The following CPB1 variants were observed in gnomAD, a reference collection of about 807,000 sequenced individuals.
CPB1 encodes carboxypeptidase B.
CPB1 carries 53 observed loss-of-function variants against 51.4 expected under a neutral mutation model. The observed-to-expected ratio is 1.03, with a 90% confidence interval of 0.83 to 1.30. The LOEUF is 1.30. CPB1 is among the 50% of genes most tolerant of loss of function. CPB1 has a pLI of 0.00. For missense variants in CPB1, 494 were observed against 516.2 expected (o/e 0.96, Z 0.42); for synonymous variants, 189 against 186.9 (o/e 1.01, Z -0.09).
intron 3 of CPB1, among the ~76,000 whole-genome samples, chr3:148,837,548 A>G (rs1367902731): frequency 1.3e-5 from 2 of 151,824 alleles, no homozygotes; most frequent in Non-Finnish European, 2.9e-5. Context: ...ATAAAATACT[A>G]TACATGCTTC....
chr3:148,840,560 C>A, intron 3 of CPB1, 126 bp from the exon 4 acceptor site: 1 of 763,990 alleles, frequency 1.3e-6, no homozygotes, highest in South Asian at 1.6e-5. Flanking sequence ...AACCAGAGGA[C>A]AACATGAGAA....
At chr3:148,828,911 G>GA (rs1282041772) in intron 2 of CPB1, among the ~76,000 whole-genome samples, 1 of 152,176 alleles carries the variant, frequency 6.6e-6, no homozygotes, top group Non-Finnish European at 1.5e-5. Flanking sequence ...AGAATTGAAA[G>GA]AAATATAAAC....
At position 148,834,521 on chromosome 3, in the gene CPB1, T is replaced by A; in HGVS notation, c.171T>A (p.Ser57=). ...TTQIDFWKPD[S]VTQIKPHSTV... Reference sequence around the variant, plus strand: ...AGATTGACTTCTGGAAGCCAGATTCTGTCACACAAATCAAACCTCACAGTA... The same window carrying A: ...AGATTGACTTCTGGAAGCCAGATTCAGTCACACAAATCAAACCTCACAGTA... The change falls in exon 3 of 11, where the codon TCT becomes TCA. Residue 57 remains serine, a synonymous_variant. Coordinates refer to ENST00000282957, the MANE Select transcript of CPB1 (RefSeq NM_001871.3). 1.2e-6 allele frequency: 2 copies of A among 1,613,726 alleles called. No homozygotes were observed. The highest frequency in any genetic ancestry group is 1.7e-6 in the Non-Finnish European group (2 of 1,179,636).
At chr3:148,839,261 C>T (rs1713002957) in intron 3 of CPB1, among the ~76,000 whole-genome samples, 1 of 152,106 alleles carries the variant, frequency 6.6e-6, no homozygotes, top group East Asian at 1.9e-4. Flanking sequence ...CTAGAAAGGG[C>T]AAGGAATTAG....
intron 6 of CPB1, among the ~76,000 whole-genome samples, chr3:148,842,533 A>T (rs765641083): frequency 6.2e-4 from 94 of 152,346 alleles, no homozygotes; most frequent in South Asian, 1.4e-3. Flanking sequence ...TGCATAGATG[A>T]TGCAATAAAT....
Position 148,844,477 on chromosome 3 carries a change from G to C in CPB1, c.577-1G>C, listed in dbSNP as rs145781572. On this transcript the variant is annotated splice_acceptor_variant, in intron 6 of 10. Coordinates refer to ENST00000282957, the MANE Select transcript of CPB1 (RefSeq NM_001871.3). LOFTEE classifies it high-confidence loss of function. ...AATTCCTCTTCATAATTCACATACA[G>C]GCTGTTCGTACCTATGGACGTGAGA... The C allele has an allele frequency of 3.5e-5, 57 of 1,608,794 alleles. No individual in the cohort carries two copies. In the African/African-American group the frequency reaches 7.1e-4, roughly 20 times the overall value.
intron 3 of CPB1, among the ~76,000 whole-genome samples, chr3:148,834,827 T>C (rs949198483): frequency 6.6e-6 from 1 of 152,182 alleles, no homozygotes; most frequent in African/African-American, 2.4e-5. Context: ...TTGCTCTAAT[T>C]AAAATGGTTT....
At chr3:148,845,106 A>C (rs892884851) in intron 8 of CPB1, among the ~76,000 whole-genome samples, 5 of 152,128 alleles carry the variant, frequency 3.3e-5, no homozygotes, top group Admixed American at 3.3e-4. Flanking sequence ...TGATCATAGT[A>C]ATAATTTTTT....
intron 2 of CPB1, among the ~76,000 whole-genome samples, chr3:148,833,863 G>A (rs995399515): frequency 2.0e-5 from 3 of 152,048 alleles, no homozygotes; most frequent in African/African-American, 4.8e-5. Flanking sequence ...CTAGCATATC[G>A]TAGGTTCTCA....
chr3:148,850,778 T>A (rs1713403821), intron 9 of CPB1, among the ~76,000 whole-genome samples: 1 of 152,190 alleles, frequency 6.6e-6, no homozygotes, highest in African/African-American at 2.4e-5. Flanking sequence ...AGCTGTACCA[T>A]GTCCCTGCCT....
intron 3 of CPB1, among the ~76,000 whole-genome samples, chr3:148,835,374 T>C (rs1712873377): frequency 6.6e-6 from 1 of 152,100 alleles, no homozygotes; most frequent in Admixed American, 6.5e-5. Flanking sequence ...CAGTAGTATT[T>C]AACAGATGGA....
At position 148,859,986 on chromosome 3, in the gene CPB1, T is replaced by G. The variant is rs1172285727; in HGVS notation, c.1238T>G (p.Leu413Arg). Residue 413 changes from leucine (L) to arginine (R), a missense_variant, in exon 11 of 11, where the codon CTG becomes CGG. Leu to Arg is a moderately radical substitution (Grantham distance 102). Coordinates refer to ENST00000282957, the MANE Select transcript of CPB1 (RefSeq NM_001871.3). ...LAIKYVASYV[L>R]EHLY ...ATCAAGTATGTTGCCAGCTACGTCC[T>G]GGAACACCTGTACTAGTTGAGAAAG... is the stretch of plus-strand genomic sequence containing the variant. 6.2e-7 allele frequency: 1 copy of G among 1,614,048 alleles called. No individual in the cohort carries two copies. The highest frequency in any genetic ancestry group is 8.5e-7 in the Non-Finnish European group (1 of 1,179,930).
chr3:148,848,273 G>GA (rs1219800625), intron 9 of CPB1, among the ~76,000 whole-genome samples: 4 of 151,884 alleles, frequency 2.6e-5, no homozygotes, highest in Non-Finnish European at 5.9e-5. Context: ...ATTTCAAGGG[G>GA]AAAAAAATGT....
At chr3:148,836,746 G>T (rs1476734581) in intron 3 of CPB1, among the ~76,000 whole-genome samples, 2 of 152,076 alleles carry the variant, frequency 1.3e-5, no homozygotes, top group Non-Finnish European at 2.9e-5. Flanking sequence ...TAAGTCCCTG[G>T]AAATCCTGGA....
intron 9 of CPB1, among the ~76,000 whole-genome samples, chr3:148,849,547 C>G (rs1240721011): frequency 6.6e-6 from 1 of 152,124 alleles, no homozygotes; most frequent in East Asian, 1.9e-4. Context: ...GGTGCACCTC[C>G]CCTGCAAAGA....
intron 2 of CPB1, among the ~76,000 whole-genome samples, chr3:148,832,867 C>T (rs192123679): frequency 6.6e-6 from 1 of 152,216 alleles, no homozygotes; most frequent in East Asian, 1.9e-4. Flanking sequence ...TATGTGCCAG[C>T]GGGACACTGT....
chr3:148,841,386 C>T (rs934132144), intron 5 of CPB1, among the ~76,000 whole-genome samples: 1 of 152,068 alleles, frequency 6.6e-6, no homozygotes, highest in Admixed American at 6.5e-5. Context: ...CCATTTTTGT[C>T]ACGTAATTCT....
intron 9 of CPB1, among the ~76,000 whole-genome samples, chr3:148,847,571 T>A (rs937424326): frequency 6.6e-6 from 1 of 152,050 alleles, no homozygotes; most frequent in African/African-American, 2.4e-5. Flanking sequence ...TACTCTTCCC[T>A]AAGAGTCACT....
chr3:148,836,291 C>G, intron 3 of CPB1, among the ~76,000 whole-genome samples: 1 of 151,844 alleles, frequency 6.6e-6, no homozygotes, highest in Non-Finnish European at 1.5e-5. Flanking sequence ...CTTTTTAAAA[C>G]AAAGATATAA....
Sources: gnomAD v4.1 joint callset for allele counts (sites outside exome capture counted in the v4.1 genomes callset) on GRCh38, gnomAD v4.1.1 for gene constraint, MANE v1.5 for transcripts, NCBI Gene and HGNC (gene_info 2026-07-23, HGNC 2026-07-21) for gene names.